PTTG1IP: variants seen among roughly 807,000 people sequenced by gnomAD.
PTTG1IP encodes pituitary tumor-transforming gene 1 protein-interacting protein.
A neutral mutation model predicts 24.4 loss-of-function variants in PTTG1IP; 16 were observed. The ratio of observed to expected loss-of-function variants is 0.66; its 90% CI spans 0.44 to 1.00. The LOEUF is 1.00. Ranked by LOEUF, PTTG1IP falls within the 50% of genes least tolerant of loss-of-function variation. The probability of loss-of-function intolerance (pLI) is 0.00; values close to 1 mark genes in which losing one functional copy is unlikely to be tolerated. For missense variants in PTTG1IP, 241 were observed against 245.8 expected (o/e 0.98, Z 0.13); for synonymous variants, 89 against 96.8 (o/e 0.92, Z 0.47).
intron 1 of PTTG1IP, chr21:44,865,654 C>A (rs1027796362): frequency 9.6e-6 from 6 of 623,314 alleles, no homozygotes; most frequent in Non-Finnish European, 1.7e-5. Flanking sequence ...AACCCCGCTG[C>A]AGGCAGGGCA....
At chr21:44,851,844 C>T (rs1023330338) in intron 5 of PTTG1IP, among the ~76,000 whole-genome samples, 11 of 152,202 alleles carry the variant, frequency 7.2e-5, no homozygotes, top group Admixed American at 6.5e-4. Context: ...AGAACTCTAA[C>T]AGATCCTAAG....
intron 3 of PTTG1IP, among the ~76,000 whole-genome samples, chr21:44,860,862 G>C (rs541253930): frequency 4.2e-4 from 64 of 151,924 alleles, no homozygotes; most frequent in Non-Finnish European, 7.1e-4. Context: ...GGAGTGCAGT[G>C]GCACGATCTC....
At chr21:44,871,015 C>A (rs1292149300) in intron 1 of PTTG1IP, among the ~76,000 whole-genome samples, 1 of 152,332 alleles carries the variant, frequency 6.6e-6, no homozygotes, top group East Asian at 1.9e-4. Context: ...ATCAGCAGAA[C>A]GAGCAGCCAA....
chr21:44,857,462 G>A (rs192844870), intron 3 of PTTG1IP, among the ~76,000 whole-genome samples: 122 of 152,298 alleles, frequency 8.0e-4, no homozygotes, highest in Non-Finnish European at 1.3e-3. Context: ...ACTCCAGCCC[G>A]GGCAACACGG....
In PTTG1IP at chr21:44,866,216, AC is replaced by A. The variant is rs1601255554; in HGVS notation, c.116-770del. Reference sequence around the variant, plus strand: ...CTACTCCCCCAATCCTGTAACACACACACACACACACACACAGCCTACTCCC... The same window carrying A: ...CTACTCCCCCAATCCTGTAACACACAACACACACACACACAGCCTACTCCC... On this transcript the variant is annotated intron_variant, in intron 1 of 5. Transcript: ENST00000330938. 5.3e-5 allele frequency among the ~76,000 whole-genome samples: 8 copies of A among 150,324 alleles called. No individual in the cohort carries two copies. The East Asian group carries it at 1.2e-3, about 22-fold the overall frequency.
At chr21:44,861,007 T>C (rs1488501383) in intron 3 of PTTG1IP, among the ~76,000 whole-genome samples, 156 bp downstream of exon 3, 1 of 152,108 alleles carries the variant, frequency 6.6e-6, no homozygotes, top group Non-Finnish European at 1.5e-5. Flanking sequence ...CTTCACCATG[T>C]TAGCCAGGAT....
chr21:44,854,549 T>G (rs900741266), intron 5 of PTTG1IP, among the ~76,000 whole-genome samples: 11 of 152,116 alleles, frequency 7.2e-5, no homozygotes, highest in Non-Finnish European at 1.5e-5. Context: ...TCATACAGAA[T>G]CAACGAAGCA....
intron 5 of PTTG1IP, among the ~76,000 whole-genome samples, chr21:44,854,916 C>A (rs193285248): frequency 6.6e-6 from 1 of 152,192 alleles, no homozygotes; most frequent in Non-Finnish European, 1.5e-5. Context: ...CCAAACACGA[C>A]GGCAGAACAG....
At chr21:44,872,202 T>C (rs1449305841) in intron 1 of PTTG1IP, among the ~76,000 whole-genome samples, 1 of 152,202 alleles carries the variant, frequency 6.6e-6, no homozygotes, top group East Asian at 1.9e-4. Context: ...TAGAACTCAA[T>C]CTGGGCCAAA....
Position 44,851,160 on chromosome 21 carries a change from C to A in PTTG1IP, c.*421G>T, listed in dbSNP as rs11537968. The A allele has an allele frequency of 8.6e-3, 5,330 of 621,882 alleles. 58 individuals are homozygous for A. Among genetic ancestry groups the A allele is most frequent in the Middle Eastern group, 0.016 (37 of 2,264 alleles). 38.5% of individuals were successfully genotyped at this position (621,882 alleles called of 1,614,324 possible). A position where few individuals can be genotyped will look rare whatever the true frequency, so the allele number is the denominator to read the frequency against. On this transcript the variant is annotated 3_prime_UTR_variant, in exon 6 of 6. Transcript: ENST00000330938. The stretch of plus-strand genomic sequence containing the variant: ...GGAATGATGAGGGCTGGTCAGTTCT[C>A]CTCATGACAAAAGTCAAACCGACTT...
intron 1 of PTTG1IP, among the ~76,000 whole-genome samples, chr21:44,872,282 A>G (rs888331924): frequency 2.0e-5 from 3 of 152,218 alleles, no homozygotes; most frequent in African/African-American, 7.2e-5. Context: ...CTAACGTCAC[A>G]AACCCTAAGC....
chr21:44,864,874 T>C (rs958135314), intron 2 of PTTG1IP, among the ~76,000 whole-genome samples: 3 of 152,308 alleles, frequency 2.0e-5, no homozygotes, highest in African/African-American at 4.8e-5. Flanking sequence ...TACCCTCTTG[T>C]TGAAGGTCAC....
In PTTG1IP at chr21:44,861,148, A is replaced by G. The variant is rs2083488611; in HGVS notation, c.277+15T>C. The G allele has an allele frequency of 6.2e-7, 1 of 1,600,882 alleles. No homozygotes were observed. The highest frequency in any genetic ancestry group is 8.5e-7 in the Non-Finnish European group (1 of 1,171,714). ...GCATCGATTTTGCAAGCAGCAAATG[A>G]AAACAATGACTTACCCCAACAAACT... On this transcript the variant is annotated intron_variant, in intron 3 of 5. Coordinates refer to ENST00000330938, the MANE Select transcript of PTTG1IP (RefSeq NM_004339.4).
chr21:44,856,218 C>A lies in PTTG1IP; in HGVS notation c.424G>T (p.Glu142Ter). 1 of 1,614,200 alleles carries A rather than the reference C, an allele frequency of 6.2e-7. No homozygotes were observed. Among genetic ancestry groups the A allele is most frequent in the Non-Finnish European group, 8.5e-7 (1 of 1,180,012 alleles). The change falls in exon 4 of 6, where the codon GAG (glutamate) becomes TAG (stop). Residue 142 changes from glutamate (E) to a stop codon, truncating the protein, a stop_gained. Transcript: ENST00000330938. LOFTEE classifies it high-confidence loss of function. ...CGTTCCTCCTGCCGTATCCGCCTCT[C>A]CTCCCGCTCACGCATGGCCTTCTCC... ...SEEKAMRERE[E>*]RRIRQEERRA...
intron 3 of PTTG1IP, among the ~76,000 whole-genome samples, chr21:44,856,787 CTTTT>C (rs559165106): frequency 6.6e-6 from 1 of 151,540 alleles, no homozygotes; most frequent in South Asian, 2.1e-4. Flanking sequence ...ATGCAGCTTT[CTTTT>C]TTTTTATTTA....
chr21:44,852,697 G>C (rs2083420066), intron 5 of PTTG1IP, among the ~76,000 whole-genome samples: 1 of 152,154 alleles, frequency 6.6e-6, no homozygotes, highest in Non-Finnish European at 1.5e-5. Flanking sequence ...TTTTGGGAAA[G>C]AGTCATCAGA....
rs1202929769 is a variant in PTTG1IP at position 44,856,115 on chromosome 21, A to C, written c.449+78T>G. The C allele has an allele frequency of 4.3e-6, 7 of 1,612,150 alleles. No homozygotes were observed. In the African/African-American group the frequency reaches 5.3e-5, roughly 12 times the overall value. On this transcript the variant is annotated intron_variant, in intron 4 of 5. Transcript: ENST00000330938. ...AAAAACTGAGGAAAACTCAGGATGT[A>C]TCCATGTGATTTCCATGGCCTTGCA...
intron 5 of PTTG1IP, among the ~76,000 whole-genome samples, chr21:44,854,748 C>T (rs886220689): frequency 9.2e-5 from 14 of 152,210 alleles, no homozygotes; most frequent in African/African-American, 2.7e-4. Context: ...AAGAACAGAA[C>T]GCCGAGGCTG....
chr21:44,872,335 C>T (rs2146476841), intron 1 of PTTG1IP, among the ~76,000 whole-genome samples: 1 of 152,274 alleles, frequency 6.6e-6, no homozygotes, highest in East Asian at 1.9e-4. Flanking sequence ...AATCCTGCAT[C>T]GGAATAAACA....
Sources: allele counts gnomAD v4.1 joint callset (sites outside exome capture counted in the v4.1 genomes callset), GRCh38; gene constraint gnomAD v4.1.1; transcripts MANE v1.5; gene names NCBI Gene and HGNC (gene_info 2026-07-23, HGNC 2026-07-21).